Variants in CAMK2D observed in about 807,000 individuals in gnomAD.
CAMK2D encodes the protein calcium/calmodulin-dependent protein kinase type II subunit delta.
Under a neutral mutation model 84.0 loss-of-function variants are expected in CAMK2D, and 37 were observed. The ratio of observed to expected loss-of-function variants is 0.44; its 90% CI spans 0.34 to 0.58. CAMK2D has a LOEUF of 0.58. Ranked by LOEUF, CAMK2D falls within the 20% of genes least tolerant of loss-of-function variation. The pLI, the probability that CAMK2D is intolerant of heterozygous loss-of-function variation, is 0.02. For synonymous variants in CAMK2D, 202 were observed against 212.5 expected, an observed-to-expected ratio of 0.95 and a Z score of 0.43; for missense variants, 448 against 652.5, an observed-to-expected ratio of 0.69 and a Z score of 3.41.
At chr4:113,713,908 G>GT (rs772417872) in intron 2 of CAMK2D, among the ~76,000 whole-genome samples, 3 of 150,776 alleles carry the variant, frequency 2.0e-5, no homozygotes, top group South Asian at 2.1e-4. Context: ...CATTTATTTG[G>GT]TTTTTTTTGT....
intron 2 of CAMK2D, among the ~76,000 whole-genome samples, chr4:113,740,523 G>C (rs1257655076): frequency 6.6e-6 from 1 of 151,962 alleles, no homozygotes; most frequent in Non-Finnish European, 1.5e-5. Context: ...TAATAGGTAA[G>C]GTGTAATAAA....
intron 16 of CAMK2D, among the ~76,000 whole-genome samples, chr4:113,483,586 A>G (rs2097728518): frequency 1.3e-5 from 2 of 151,822 alleles, no homozygotes; most frequent in Non-Finnish European, 2.9e-5. Flanking sequence ...TCGTGTTTTG[A>G]GTAGAGATGG....
At chr4:113,485,008 T>G (rs974511562) in intron 16 of CAMK2D, among the ~76,000 whole-genome samples, 2 of 152,148 alleles carry the variant, frequency 1.3e-5, no homozygotes, top group Non-Finnish European at 2.9e-5. Flanking sequence ...GGCTGAGGGA[T>G]TCCATAAATC....
intron 4 of CAMK2D, among the ~76,000 whole-genome samples, chr4:113,589,787 C>CTTATAGATGGAATAAT (rs796266456): frequency 3.5e-4 from 53 of 152,174 alleles, no homozygotes; most frequent in African/African-American, 1.2e-3. Context: ...ATATCATTAG[C>CTTATAGATGGAATAAT]TTATAGATGG....
chr4:113,471,554 G>A (rs2097546952), intron 16 of CAMK2D, among the ~76,000 whole-genome samples: 1 of 152,140 alleles, frequency 6.6e-6, no homozygotes, highest in African/African-American at 2.4e-5. Flanking sequence ...CTACTCAGCT[G>A]CCCAAACTGG....
At chr4:113,582,630 CATT>C (rs1162641267) in intron 4 of CAMK2D, among the ~76,000 whole-genome samples, 11 of 152,118 alleles carry the variant, frequency 7.2e-5, no homozygotes, top group African/African-American at 2.4e-4. Flanking sequence ...GTAACAGAAA[CATT>C]ATATATATTG....
At chr4:113,534,239 C>CTT (rs1222771058) in intron 7 of CAMK2D, among the ~76,000 whole-genome samples, 1 of 152,082 alleles carries the variant, frequency 6.6e-6, no homozygotes, top group Non-Finnish European at 1.5e-5. Flanking sequence ...ACTCCTAATA[C>CTT]TTAAAATATA....
intron 3 of CAMK2D, among the ~76,000 whole-genome samples, chr4:113,642,572 C>G (rs190382932): frequency 6.6e-6 from 1 of 152,172 alleles, no homozygotes; most frequent in Admixed American, 6.5e-5. Flanking sequence ...AACTTAGCAG[C>G]GGAGTGAAGC....
At chr4:113,697,777 T>A (rs973867086) in intron 2 of CAMK2D, among the ~76,000 whole-genome samples, 2 of 150,016 alleles carry the variant, frequency 1.3e-5, no homozygotes, top group Non-Finnish European at 3.0e-5. Flanking sequence ...TCAAATAGAG[T>A]CCTTGGAATT....
At chr4:113,684,781 C>G (rs1169341648) in intron 2 of CAMK2D, among the ~76,000 whole-genome samples, 1 of 152,212 alleles carries the variant, frequency 6.6e-6, no homozygotes, top group South Asian at 2.1e-4. Context: ...AAATAACATT[C>G]AGGCCTCAAA....
In CAMK2D at chr4:113,500,891, TAAAATA is replaced by T. The variant is rs144827783; in HGVS notation, c.1087-386_1087-381del. On this transcript the variant is annotated intron_variant, in intron 15 of 20. Transcript: ENST00000511664. The stretch of plus-strand genomic sequence containing the variant: ...ATGTTAGCCGAATGAATTTGATACT[TAAAATA>T]GAAAAAATTTCTATTCCCAATTAAT... 3.8e-3 allele frequency among the ~76,000 whole-genome samples: 572 copies of T among 152,152 alleles called. 4 individuals carry two copies. The highest frequency in any genetic ancestry group is 0.013 in the African/African-American group (532 of 41,532).
intron 4 of CAMK2D, among the ~76,000 whole-genome samples, chr4:113,587,429 C>T (rs939118722): frequency 4.6e-5 from 7 of 152,150 alleles, no homozygotes; most frequent in Non-Finnish European, 4.4e-5. Context: ...AGGTCTTATT[C>T]ACATAGTTAG....
intron 4 of CAMK2D, among the ~76,000 whole-genome samples, chr4:113,603,771 T>TATATATATATATATATATATATA (rs1561290012): frequency 1.2e-4 from 10 of 86,940 alleles, no homozygotes; most frequent in African/African-American, 4.6e-4. Flanking sequence ...TTTCTTGCTA[T>TATATATATATATATATATATATA]TTTATATATA....
chr4:113,492,150 G>C (rs572676585), intron 16 of CAMK2D, among the ~76,000 whole-genome samples: 1 of 151,896 alleles, frequency 6.6e-6, no homozygotes, highest in Admixed American at 6.6e-5. Flanking sequence ...CTTCAGTTCT[G>C]CTCTGATTTT....
intron 4 of CAMK2D, among the ~76,000 whole-genome samples, chr4:113,560,320 A>G (rs938271892): frequency 2.4e-4 from 37 of 152,122 alleles, no homozygotes; most frequent in African/African-American, 8.7e-4. Flanking sequence ...AATTCTACAA[A>G]TATTACTCAA....
chr4:113,753,915 G>A (rs1594176353), intron 2 of CAMK2D: 1 of 984,142 alleles, frequency 1.0e-6, no homozygotes, highest in Non-Finnish European at 1.2e-6. Flanking sequence ...CCTCCTTTAA[G>A]AGCCCATAGT....
At chr4:113,484,475 G>A (rs75180980) in intron 16 of CAMK2D, among the ~76,000 whole-genome samples, 4,429 of 152,042 alleles carry the variant, frequency 0.029, 219 homozygotes, top group African/African-American at 0.099. Context: ...GCAATGTCCT[G>A]AGTCCCTTCT....
chr4:113,691,063 T>A (rs1187019902), intron 2 of CAMK2D, among the ~76,000 whole-genome samples: 1 of 152,168 alleles, frequency 6.6e-6, no homozygotes, highest in Non-Finnish European at 1.5e-5. Flanking sequence ...CAACACAGAA[T>A]ATTCCTTAAT....
intron 4 of CAMK2D, among the ~76,000 whole-genome samples, chr4:113,555,052 C>T (rs886856057): frequency 6.6e-6 from 1 of 152,158 alleles, no homozygotes; most frequent in Non-Finnish European, 1.5e-5. Flanking sequence ...TTGATTCACA[C>T]TGTATTATTA....
Sources: allele counts gnomAD v4.1 joint callset (sites outside exome capture counted in the v4.1 genomes callset), GRCh38; gene constraint gnomAD v4.1.1; transcripts MANE v1.5; gene names NCBI Gene and HGNC (gene_info 2026-07-23, HGNC 2026-07-21).